The following CREB5 variants were observed in gnomAD, a reference collection of about 807,000 sequenced individuals.
CREB5 encodes cyclic AMP-responsive element-binding protein 5.
In CREB5, 19 loss-of-function variants were observed where a neutral mutation model predicts 57.1. The ratio of observed to expected loss-of-function variants is 0.33; its 90% CI spans 0.23 to 0.49. The LOEUF (loss-of-function observed/expected upper bound fraction) is 0.49, where lower values mean the gene tolerates loss of function less well. Ranked by LOEUF, CREB5 falls within the 20% of genes least tolerant of loss-of-function variation. The pLI, the probability that CREB5 is intolerant of heterozygous loss-of-function variation, is 0.99. For synonymous variants in CREB5, 238 were observed against 238.3 expected, an observed-to-expected ratio of 1.00 and a Z score of 0.01; for missense variants, 579 against 671.6, an observed-to-expected ratio of 0.86 and a Z score of 1.52.
intron 4 of CREB5, among the ~76,000 whole-genome samples, chr7:28,541,595 A>G (rs1794214056): frequency 6.6e-6 from 1 of 152,198 alleles, no homozygotes; most frequent in African/African-American, 2.4e-5. Context: ...TGAACCCGGG[A>G]GGCAGAGGTT....
At chr7:28,621,630 C>T (rs931398121) in intron 5 of CREB5, among the ~76,000 whole-genome samples, 1 of 152,100 alleles carries the variant, frequency 6.6e-6, no homozygotes, top group African/African-American at 2.4e-5. Context: ...AATTCAACCC[C>T]GTTCATTTAA....
intron 1 of CREB5, among the ~76,000 whole-genome samples, chr7:28,433,195 A>T (rs1282629738): frequency 6.6e-6 from 1 of 152,162 alleles, no homozygotes; most frequent in Non-Finnish European, 1.5e-5. Context: ...TCCAACGAGT[A>T]GGTGTTGATA....
intron 1 of CREB5, among the ~76,000 whole-genome samples, chr7:28,348,399 C>CTG (rs1786115307): frequency 5.7e-5 from 2 of 35,064 alleles, no homozygotes; most frequent in African/African-American, 1.4e-4. Context: ...CTCTCTCTGT[C>CTG]TCTCTCTCTC....
At chr7:28,345,835 A>G (rs1242259864) in intron 1 of CREB5, among the ~76,000 whole-genome samples, 2 of 152,078 alleles carry the variant, frequency 1.3e-5, no homozygotes, top group East Asian at 3.9e-4. Context: ...ACCCAAAGTG[A>G]CACATTGGAG....
chr7:28,732,720 CTTT>C (rs35952532), intron 7 of CREB5, among the ~76,000 whole-genome samples: 4 of 131,890 alleles, frequency 3.0e-5, no homozygotes, highest in Non-Finnish European at 3.2e-5. Flanking sequence ...CTCTGTCTTG[CTTT>C]TTTTTTTTTT....
chr7:28,475,496 G>A lies in CREB5; in HGVS notation c.4-12679G>A, dbSNP rs79051030. On this transcript the variant is annotated intron_variant, in intron 1 of 10. Coordinates refer to ENST00000357727, the MANE Select transcript of CREB5 (RefSeq NM_182898.4). ...GAGAAAGAAAAAAAAATAAGGAAGA[G>A]TGAAAATAAGAATAAGTGTTAAGAT... Among the ~76,000 whole-genome samples, 604 of 151,878 alleles carry A rather than the reference G, an allele frequency of 4.0e-3. 7 individuals are homozygous for A. The highest frequency in any genetic ancestry group is 0.014 in the African/African-American group (573 of 41,386).
chr7:28,519,230 C>T (rs932096476), intron 4 of CREB5, among the ~76,000 whole-genome samples: 1 of 151,740 alleles, frequency 6.6e-6, no homozygotes, highest in Non-Finnish European at 1.5e-5. Context: ...AGATTTTTTT[C>T]TTTATTTGTA....
intron 5 of CREB5, among the ~76,000 whole-genome samples, chr7:28,713,733 T>C (rs1802526908): frequency 6.6e-6 from 1 of 152,170 alleles, no homozygotes; most frequent in Non-Finnish European, 1.5e-5. Flanking sequence ...CAAGAGTCTT[T>C]GAGATGCCTA....
At chr7:28,600,558 CGCTA>C (rs1432916693) in intron 5 of CREB5, among the ~76,000 whole-genome samples, 15 of 152,080 alleles carry the variant, frequency 9.9e-5, no homozygotes, top group African/African-American at 3.4e-4. Context: ...CTGGCTAATG[CGCTA>C]TTCATGGAAG....
chr7:28,734,182 T>C (rs1470073482), intron 7 of CREB5, among the ~76,000 whole-genome samples: 1 of 130,684 alleles, frequency 7.7e-6, no homozygotes, highest in Non-Finnish European at 1.5e-5. Flanking sequence ...ATCCCCTTGC[T>C]GCAGGCCCAA....
chr7:28,674,600 G>T (rs1378601409), intron 5 of CREB5, among the ~76,000 whole-genome samples: 2 of 152,180 alleles, frequency 1.3e-5, no homozygotes, highest in Non-Finnish European at 2.9e-5. Context: ...AGATGTTCCT[G>T]TCCCTCTGTT....
At chr7:28,732,229 C>A (rs1803684558) in intron 7 of CREB5, among the ~76,000 whole-genome samples, 1 of 152,152 alleles carries the variant, frequency 6.6e-6, no homozygotes, top group African/African-American at 2.4e-5. Context: ...GGTTTTATTT[C>A]TTTCTCTTTC....
intron 1 of CREB5, among the ~76,000 whole-genome samples, chr7:28,445,801 TC>T (rs1562721343): frequency 1.3e-5 from 2 of 151,854 alleles, no homozygotes. Context: ...TCCGCCTGCC[TC>T]AGCCTCCCAA....
chr7:28,592,074 C>G (rs79648443), intron 5 of CREB5, among the ~76,000 whole-genome samples: 187 of 152,298 alleles, frequency 1.2e-3, no homozygotes, highest in African/African-American at 4.4e-3. Flanking sequence ...CAGGCCATCA[C>G]AGAGCAGATA....
intron 7 of CREB5, among the ~76,000 whole-genome samples, chr7:28,742,295 G>A (rs1303448822): frequency 1.3e-5 from 2 of 151,634 alleles, no homozygotes; most frequent in African/African-American, 2.4e-5. Context: ...GGCCGGGCGC[G>A]GTGGCTCACG....
At chr7:28,371,191 A>T (rs1446372829) in intron 1 of CREB5, among the ~76,000 whole-genome samples, 1 of 152,008 alleles carries the variant, frequency 6.6e-6, no homozygotes, top group Admixed American at 6.6e-5. Context: ...TTCAGGGAGG[A>T]TGGGCATGGT....
At chr7:28,496,349 T>G (rs1792045455) in intron 3 of CREB5, among the ~76,000 whole-genome samples, 1 of 152,254 alleles carries the variant, frequency 6.6e-6, no homozygotes, top group African/African-American at 2.4e-5. Context: ...TACTTTAATT[T>G]TAAAAGTGCT....
rs1286601617 is a variant in CREB5, at chr7:28,673,673, T to C, written c.465-45080T>C. ...TCTCTCTCTCTTTTTTTTTTTTTTT[T>C]TTTTTTTTTTTTTGGAGACATTCGA... On this transcript the variant is annotated intron_variant, in intron 5 of 10. Coordinates refer to ENST00000357727, the MANE Select transcript of CREB5 (RefSeq NM_182898.4). 2.2e-5 allele frequency among the ~76,000 whole-genome samples: 3 copies of C among 136,740 alleles called. No homozygotes were observed. The East Asian group carries it at 6.3e-4, about 29-fold the overall frequency. 89.7% of individuals were successfully genotyped at this position (136,740 alleles called of 152,430 possible).
At chr7:28,329,681 G>A (rs577872387) in intron 1 of CREB5, among the ~76,000 whole-genome samples, 4 of 152,272 alleles carry the variant, frequency 2.6e-5, no homozygotes, top group African/African-American at 9.6e-5. Flanking sequence ...TTTGCATCCA[G>A]TTTTAGCCAT....
Sources: gnomAD v4.1 joint callset for allele counts (sites outside exome capture counted in the v4.1 genomes callset) on GRCh38, gnomAD v4.1.1 for gene constraint, MANE v1.5 for transcripts, NCBI Gene and HGNC (gene_info 2026-07-23, HGNC 2026-07-21) for gene names.